Variants in TTC3 observed in about 807,000 individuals in gnomAD.
TTC3 encodes E3 ubiquitin-protein ligase TTC3.
In TTC3, 180 loss-of-function variants were observed where a neutral mutation model predicts 249.6. The observed-to-expected ratio is 0.72, with a 90% confidence interval of 0.64 to 0.82. The LOEUF (loss-of-function observed/expected upper bound fraction) is 0.82, where lower values mean the gene tolerates loss of function less well. TTC3 is among the 40% of genes least tolerant of loss of function. The pLI is 0.00. For missense variants in TTC3, 2,061 were observed against 2,398.4 expected, an observed-to-expected ratio of 0.86 and a Z score of 2.94; for synonymous variants, 717 against 805.0, an observed-to-expected ratio of 0.89 and a Z score of 1.85.
intron 35 of TTC3, among the ~76,000 whole-genome samples, chr21:37,181,374 G>A (rs567791351): frequency 1.3e-5 from 2 of 152,366 alleles, no homozygotes; most frequent in East Asian, 1.9e-4. Flanking sequence ...TAGGAGCACA[G>A]GATAGGTGAG....
At chr21:37,180,906 GAAC>G (rs2082703407) in intron 35 of TTC3, among the ~76,000 whole-genome samples, 1 of 151,060 alleles carries the variant, frequency 6.6e-6, no homozygotes, top group South Asian at 2.1e-4. Flanking sequence ...ATTTATTTTA[GAAC>G]AACACTGAGG....
intron 41 of TTC3, chr21:37,193,804 T>C (rs2084512595): frequency 6.6e-6 from 1 of 152,308 alleles, no homozygotes; most frequent in Admixed American, 6.5e-5. Flanking sequence ...AAACCCATTG[T>C]TACCTGCAGC....
At chr21:37,134,271 G>A (rs61246093) in intron 17 of TTC3, among the ~76,000 whole-genome samples, 3,047 of 152,144 alleles carry the variant, frequency 0.02, 99 homozygotes, top group African/African-American at 0.07. Context: ...CCATCATGGC[G>A]AAACCCCATC....
intron 1 of TTC3, among the ~76,000 whole-genome samples, chr21:37,075,891 ATGAATGTT>A (rs1308735375): frequency 6.6e-6 from 1 of 152,040 alleles, no homozygotes; most frequent in Non-Finnish European, 1.5e-5. Flanking sequence ...TTTTCTTATG[ATGAATGTT>A]TAAAAAATTT....
At chr21:37,165,592 G>A (rs752063542) in exon 33 of TTC3, 1 of 1,612,240 alleles carries the variant, frequency 6.2e-7, no homozygotes, top group South Asian at 1.1e-5. Flanking sequence ...CCTTGGACAT[G>A]AGTAACAAGA....
chr21:37,131,144 A>G (rs546149820), intron 16 of TTC3, among the ~76,000 whole-genome samples: 103 of 152,260 alleles, frequency 6.8e-4, no homozygotes, highest in African/African-American at 2.4e-3. Flanking sequence ...GTTACTCATC[A>G]TGAGCCCCTT....
In TTC3 at chr21:37,192,227, A is replaced by AT; in HGVS notation, c.5217+15dup. On this transcript the variant is annotated intron_variant, in intron 41 of 45. Coordinates refer to ENST00000355666, the Ensembl canonical transcript of TTC3. The stretch of plus-strand genomic sequence containing the variant: ...GCCTGTAACACGGTAAGTCTAGCAC[A>AT]TCTTTTTTTTTTTTTTAAACCATAA... The AT allele has an allele frequency of 2.0e-6, 3 of 1,490,464 alleles. No individual in the cohort carries two copies. The highest frequency in any genetic ancestry group is 2.7e-6 in the Non-Finnish European group (3 of 1,108,666). The allele number at this position is 1,490,464 out of a possible 1,614,324, so 92.3% of individuals were successfully genotyped here.
chr21:37,174,173 C>T (rs1173965798), intron 35 of TTC3, among the ~76,000 whole-genome samples: 1 of 152,132 alleles, frequency 6.6e-6, no homozygotes, highest in Non-Finnish European at 1.5e-5. Flanking sequence ...TTTCTTTGTA[C>T]AGTCAGTCCA....
At chr21:37,151,988 A>G (rs202164905) in exon 26 of TTC3, 3 of 1,600,434 alleles carry the variant, frequency 1.9e-6, no homozygotes, top group East Asian at 2.2e-5. Context: ...ATGGAGGAGG[A>G]CTTAAGAGAA....
At chr21:37,127,428 T>C (rs557675728) in intron 15 of TTC3, among the ~76,000 whole-genome samples, 170 of 152,368 alleles carry the variant, frequency 1.1e-3, no homozygotes, top group Non-Finnish European at 9.3e-4. Context: ...CATTTGGAGA[T>C]GAAGGTTCTG....
At chr21:37,109,202 T>G (rs1486501479) in intron 11 of TTC3, among the ~76,000 whole-genome samples, 1 of 152,116 alleles carries the variant, frequency 6.6e-6, no homozygotes, top group Non-Finnish European at 1.5e-5. Context: ...TGGGGAGTGC[T>G]GGACAGTGGG....
Position 37,090,281 on chromosome 21 carries a change from GA to G in TTC3, c.479del (p.Asn160IlefsTer10), listed in dbSNP as rs1408021816. 3 of 1,604,622 alleles carry G rather than the reference GA, an allele frequency of 1.9e-6. No homozygotes were observed. Among genetic ancestry groups the G allele is most frequent in the South Asian group, 2.2e-5 (2 of 88,948 alleles). On this transcript the variant is annotated frameshift_variant, in exon 6 of 46. Transcript: ENST00000355666. LOFTEE classifies it high-confidence loss of function. ...CTTATTGAGAATTGGTTGTAAAATA[GA>G]AAATGTAAGTGTTAAACACTGAAAC...
chr21:37,113,138 G>A lies in TTC3; in HGVS notation c.900+4692G>A, dbSNP rs761540143. On this transcript the variant is annotated intron_variant, in intron 11 of 45. Transcript: ENST00000355666. The stretch of plus-strand genomic sequence containing the variant: ...TCCCTTTGAAAACTGGCACAAGACA[G>A]GGATGCCCTCTCTCACCACTCCTAT... Among the ~76,000 whole-genome samples, 42 of 152,282 alleles carry A rather than the reference G, an allele frequency of 2.8e-4. 2 individuals carry two copies. The Middle Eastern group carries it at 0.02, about 74-fold the overall frequency.
At chr21:37,171,856 T>G (rs1036658831) in intron 34 of TTC3, among the ~76,000 whole-genome samples, 13 of 152,110 alleles carry the variant, frequency 8.5e-5, no homozygotes, top group African/African-American at 3.1e-4. Context: ...ACTAAGGTAT[T>G]GGGGGAAGGT....
exon 24 of TTC3, chr21:37,150,110 C>G: frequency 6.2e-7 from 1 of 1,611,086 alleles, no homozygotes; most frequent in South Asian, 1.1e-5. Context: ...TTACCCCTGA[C>G]TGTGAAGGTG....
chr21:37,175,405 T>C (rs1164336549), intron 35 of TTC3, among the ~76,000 whole-genome samples: 1 of 151,634 alleles, frequency 6.6e-6, no homozygotes, highest in Non-Finnish European at 1.5e-5. Flanking sequence ...GAGACCAGCC[T>C]GGTCAACATG....
chr21:37,111,270 A>C (rs1475223156), intron 11 of TTC3, among the ~76,000 whole-genome samples: 1 of 152,238 alleles, frequency 6.6e-6, no homozygotes, highest in Non-Finnish European at 1.5e-5. Context: ...ATATTGGATA[A>C]AGAGTCAAGA....
chr21:37,074,544 A>G (rs893441582), intron 1 of TTC3, among the ~76,000 whole-genome samples: 3 of 152,118 alleles, frequency 2.0e-5, no homozygotes, highest in Admixed American at 6.5e-5. Flanking sequence ...ATTCACCTAA[A>G]TCTCTTTCCA....
At chr21:37,145,881 A>G (rs966857670) in intron 21 of TTC3, among the ~76,000 whole-genome samples, 1 of 152,184 alleles carries the variant, frequency 6.6e-6, no homozygotes, top group East Asian at 1.9e-4. Flanking sequence ...TAATCTGTTC[A>G]TGAGAGATTC....
Sources: gnomAD v4.1 joint callset for allele counts (sites outside exome capture counted in the v4.1 genomes callset) on GRCh38, gnomAD v4.1.1 for gene constraint, MANE v1.5 for transcripts, NCBI Gene and HGNC (gene_info 2026-07-23, HGNC 2026-07-21) for gene names.